TMPRSS15: variants seen among roughly 807,000 people sequenced by gnomAD.
TMPRSS15 encodes enteropeptidase.
Under a neutral mutation model 125.3 loss-of-function variants are expected in TMPRSS15, and 128 were observed. The ratio of observed to expected loss-of-function variants is 1.02; its 90% CI spans 0.89 to 1.18. The LOEUF (loss-of-function observed/expected upper bound fraction) is 1.18. Ranked by LOEUF, TMPRSS15 falls within the 50% of genes most tolerant of loss-of-function variation. The pLI is 0.00. For missense variants in TMPRSS15, 1,283 were observed against 1,212.7 expected (o/e 1.06, Z -0.86); for synonymous variants, 446 against 423.2 (o/e 1.05, Z -0.66).
rs11910808 is a variant in TMPRSS15 at position 18,272,519 on chromosome 21, T to G, written c.2905-2395A>C. On this transcript the variant is annotated intron_variant, in intron 24 of 24. Transcript: ENST00000284885. ...CGGGTGGATCACCTGAGATCAGGAG[T>G]TCGAGATCAGCCTGGCCAACATGGT... Among the ~76,000 whole-genome samples, 1,190 of 151,752 alleles carry G rather than the reference T, an allele frequency of 7.8e-3. 17 individuals carry two copies. Among genetic ancestry groups the G allele is most frequent in the African/African-American group, 0.027 (1,130 of 41,354 alleles).
chr21:18,423,504 G>A (rs775489773), intron 1 of TMPRSS15, among the ~76,000 whole-genome samples: 2 of 151,274 alleles, frequency 1.3e-5, no homozygotes, highest in African/African-American at 2.4e-5. Context: ...CGCCTCCCGG[G>A]TTCAGGCCAT....
chr21:18,318,432 A>T (rs2075196880), intron 16 of TMPRSS15, among the ~76,000 whole-genome samples: 1 of 152,220 alleles, frequency 6.6e-6, no homozygotes, highest in Non-Finnish European at 1.5e-5. Flanking sequence ...AAATAAAAAT[A>T]AAAACTTCCT....
chr21:18,427,772 T>C (rs2076206481), intron 1 of TMPRSS15, among the ~76,000 whole-genome samples: 1 of 152,222 alleles, frequency 6.6e-6, no homozygotes, highest in South Asian at 2.1e-4. Flanking sequence ...GGGAGTTTTT[T>C]AAAACATTTT....
intron 13 of TMPRSS15, among the ~76,000 whole-genome samples, chr21:18,336,202 T>C (rs2075391148): frequency 6.6e-6 from 1 of 152,082 alleles, no homozygotes; most frequent in Non-Finnish European, 1.5e-5. Flanking sequence ...TCATCTACAA[T>C]AAGAGGGTTT....
chr21:18,423,432 A>G (rs185194364), intron 1 of TMPRSS15, among the ~76,000 whole-genome samples: 55 of 146,518 alleles, frequency 3.8e-4, no homozygotes, highest in Admixed American at 9.6e-4. Context: ...TTTTTGAGAC[A>G]GAGTCTCGCT....
chr21:18,370,053 G>A (rs868062682), intron 6 of TMPRSS15, among the ~76,000 whole-genome samples: 5 of 151,136 alleles, frequency 3.3e-5, no homozygotes, highest in Admixed American at 1.3e-4. Context: ...TGAAAGGCTG[G>A]TCACTACTAA....
chr21:18,465,346 G>A (rs1240567360), intron 1 of TMPRSS15, among the ~76,000 whole-genome samples: 1 of 152,062 alleles, frequency 6.6e-6, no homozygotes, highest in Non-Finnish European at 1.5e-5. Flanking sequence ...TTTGAAAACC[G>A]GCACAAGACA....
chr21:18,343,517 C>T lies in TMPRSS15; in HGVS notation c.1417G>A (p.Val473Ile). The change falls in exon 12 of 25, where the codon GTT becomes ATT. Residue 473 changes from valine (V) to isoleucine (I), a missense_variant. Transcript: ENST00000284885. ...NYGQVTLNETVKFKVAFNAFK... is the reference protein window; with the variant it reads ...NYGQVTLNETIKFKVAFNAFK... ...AGTATTTTGCAAACCTTAAATTTAACTGTTTCATTTAGGGTTACTTGTCCA... is the reference window on the plus strand; with the variant it reads ...AGTATTTTGCAAACCTTAAATTTAATTGTTTCATTTAGGGTTACTTGTCCA... The T allele has an allele frequency of 6.2e-7, 1 of 1,610,438 alleles. No individual in the cohort carries two copies. The highest frequency in any genetic ancestry group is 1.1e-5 in the South Asian group (1 of 90,776).
At chr21:18,355,220 T>C (rs549288492) in intron 8 of TMPRSS15, among the ~76,000 whole-genome samples, 13 of 152,008 alleles carry the variant, frequency 8.6e-5, no homozygotes, top group African/African-American at 3.1e-4. Context: ...ACTTTAAACC[T>C]ATCTGCCTCT....
At chr21:18,376,869 C>T (rs889208450) in intron 5 of TMPRSS15, among the ~76,000 whole-genome samples, 1 of 152,088 alleles carries the variant, frequency 6.6e-6, no homozygotes, top group African/African-American at 2.4e-5. Context: ...ACCGTTATCA[C>T]AAAAAATTCT....
chr21:18,375,730 AT>A (rs1397129948), intron 5 of TMPRSS15, among the ~76,000 whole-genome samples: 2 of 152,166 alleles, frequency 1.3e-5, no homozygotes, highest in Non-Finnish European at 2.9e-5. Context: ...GGCTTTAATT[AT>A]TCATTTGTAT....
chr21:18,338,842 A>C (rs1265601863), intron 13 of TMPRSS15, among the ~76,000 whole-genome samples: 1 of 152,112 alleles, frequency 6.6e-6, no homozygotes, highest in African/African-American at 2.4e-5. Flanking sequence ...GGTAAATTTG[A>C]CCTAGAGTTT....
At position 18,343,676 on chromosome 21, in the gene TMPRSS15, A is replaced by C; in HGVS notation, c.1278-20T>G. On this transcript the variant is annotated intron_variant, in intron 11 of 24. Coordinates refer to ENST00000284885, the MANE Select transcript of TMPRSS15 (RefSeq NM_002772.3). The stretch of plus-strand genomic sequence containing the variant: ...TGATACCTAGTTTGGAAAGAAGCAA[A>C]AATGTTTGGATTCCTACAACATTAG... 6.2e-7 allele frequency: 1 copy of C among 1,610,444 alleles called. No individual in the cohort carries two copies. Among genetic ancestry groups the C allele is most frequent in the Non-Finnish European group, 8.5e-7 (1 of 1,177,222 alleles).
intron 1 of TMPRSS15, among the ~76,000 whole-genome samples, chr21:18,461,393 C>A: frequency 6.6e-6 from 1 of 152,154 alleles, no homozygotes; most frequent in Non-Finnish European, 1.5e-5. Flanking sequence ...CCTGGAAATA[C>A]TCATTGTCTC....
intron 23 of TMPRSS15, among the ~76,000 whole-genome samples, chr21:18,276,929 T>A (rs1009110093): frequency 1.3e-5 from 2 of 150,050 alleles, no homozygotes; most frequent in Non-Finnish European, 3.0e-5. Context: ...CCTGGCTAAT[T>A]TTTTTTTTGT....
chr21:18,331,003 G>A (rs963913533), intron 14 of TMPRSS15, among the ~76,000 whole-genome samples: 14 of 151,138 alleles, frequency 9.3e-5, no homozygotes, highest in African/African-American at 3.4e-4. Flanking sequence ...AACCCGGGAG[G>A]CGGAGCTTGC....
chr21:18,375,606 A>G (rs1451476043), intron 5 of TMPRSS15, among the ~76,000 whole-genome samples: 2 of 152,142 alleles, frequency 1.3e-5, no homozygotes, highest in East Asian at 1.9e-4. Context: ...ACTCAGTGGG[A>G]AAAAGTGCAC....
At chr21:18,302,288 G>T (rs961653552) in intron 18 of TMPRSS15, among the ~76,000 whole-genome samples, 1 of 152,210 alleles carries the variant, frequency 6.6e-6, no homozygotes, top group African/African-American at 2.4e-5. Context: ...TGGAGGGAAA[G>T]AAGGGGATTG....
chr21:18,324,582 A>G (rs2075270914), intron 16 of TMPRSS15, among the ~76,000 whole-genome samples: 1 of 152,184 alleles, frequency 6.6e-6, no homozygotes, highest in Non-Finnish European at 1.5e-5. Context: ...TGCAAAGACT[A>G]TTCTATCAGG....
Sources: gnomAD v4.1 joint callset for allele counts (sites outside exome capture counted in the v4.1 genomes callset) on GRCh38, gnomAD v4.1.1 for gene constraint, MANE v1.5 for transcripts, NCBI Gene and HGNC (gene_info 2026-07-23, HGNC 2026-07-21) for gene names.